Variants in KLHL29 observed in about 807,000 individuals in gnomAD.
The protein encoded by KLHL29 is kelch like family member 29.
Under a neutral mutation model 80.4 loss-of-function variants are expected in KLHL29, and 21 were observed. That is an observed-to-expected ratio of 0.26 (90% CI 0.19 to 0.38). The LOEUF (loss-of-function observed/expected upper bound fraction) is 0.38, where lower values mean the gene tolerates loss of function less well. Among genes scored for constraint, KLHL29 ranks in the 10% least tolerant of loss-of-function variants. KLHL29 has a pLI of 1.00. For missense variants in KLHL29, 867 were observed against 1,223.9 expected, an observed-to-expected ratio of 0.71 and a Z score of 4.35; for synonymous variants, 511 against 526.8, an observed-to-expected ratio of 0.97 and a Z score of 0.41.
At chr2:23,429,148 A>C (rs139991373) in intron 1 of KLHL29, among the ~76,000 whole-genome samples, 111 of 152,348 alleles carry the variant, frequency 7.3e-4, no homozygotes, top group African/African-American at 1.9e-3. Context: ...ATATGTTCAC[A>C]TACACCCAGG....
chr2:23,548,011 C>G (rs1667022053), intron 2 of KLHL29, among the ~76,000 whole-genome samples: 1 of 152,132 alleles, frequency 6.6e-6, no homozygotes. Flanking sequence ...TTCTCACTCA[C>G]ACACCCTGTC....
intron 1 of KLHL29, among the ~76,000 whole-genome samples, chr2:23,423,704 C>T (rs541404446): frequency 7.0e-4 from 107 of 152,232 alleles, no homozygotes; most frequent in South Asian, 1.2e-3. Flanking sequence ...TCAGGGGGTG[C>T]GGTGTGGGAT....
chr2:23,603,378 G>A (rs1189101888), intron 3 of KLHL29, among the ~76,000 whole-genome samples: 2 of 152,260 alleles, frequency 1.3e-5, no homozygotes, highest in East Asian at 3.9e-4. Flanking sequence ...GGCAGTCAGG[G>A]CTCTGACAGC....
chr2:23,613,779 A>AAAAAAAC, intron 3 of KLHL29, among the ~76,000 whole-genome samples: 2 of 149,910 alleles, frequency 1.3e-5, no homozygotes, highest in Non-Finnish European at 3.0e-5. Flanking sequence ...AAAAAAAAAA[A>AAAAAAAC]AAAAAAAAAA....
intron 1 of KLHL29, among the ~76,000 whole-genome samples, chr2:23,436,321 T>TGC (rs914676466): frequency 6.7e-6 from 1 of 150,002 alleles, no homozygotes; most frequent in African/African-American, 2.5e-5. Context: ...TGTGTGTGTG[T>TGC]GTGTGTGTGT....
At chr2:23,410,891 T>C (rs546406066) in intron 1 of KLHL29, among the ~76,000 whole-genome samples, 2 of 152,070 alleles carry the variant, frequency 1.3e-5, no homozygotes, top group African/African-American at 4.8e-5. Flanking sequence ...TCAGAGTGAG[T>C]CTCTTGAGTA....
At chr2:23,416,492 G>A (rs1666985859) in intron 1 of KLHL29, among the ~76,000 whole-genome samples, 1 of 152,224 alleles carries the variant, frequency 6.6e-6, no homozygotes, top group Non-Finnish European at 1.5e-5. Context: ...CTCAAGTCCA[G>A]GGTCTCTTCA....
chr2:23,603,630 A>G (rs1425278975), intron 3 of KLHL29, among the ~76,000 whole-genome samples: 3 of 152,196 alleles, frequency 2.0e-5, no homozygotes, highest in Admixed American at 1.3e-4. Flanking sequence ...TGGCCGGGAA[A>G]GCATACCCTT....
intron 1 of KLHL29, among the ~76,000 whole-genome samples, chr2:23,438,752 G>A (rs1432893567): frequency 6.6e-6 from 1 of 151,972 alleles, no homozygotes; most frequent in African/African-American, 2.4e-5. Context: ...TGTTCATCAA[G>A]GATATTGGTC....
rs1662810409 is a variant in KLHL29 at position 23,421,663 on chromosome 2, G to GTGTGTGTGTTATATGT, written c.-154+35893_-154+35908dup. Reference sequence around the variant, plus strand: ...TGTGTGTCTTGGTGTGTGAACCTGTGTGTGTGTGTTATATGTTGTGTGTGT... The same window carrying GTGTGTGTGTTATATGT: ...TGTGTGTCTTGGTGTGTGAACCTGTGTGTGTGTGTTATATGTTGTGTGTGTTATATGTTGTGTGTGT... On this transcript the variant is annotated intron_variant, in intron 1 of 13. Coordinates refer to ENST00000486442, the MANE Select transcript of KLHL29 (RefSeq NM_052920.2). Among the ~76,000 whole-genome samples, 24 of 151,230 alleles carry GTGTGTGTGTTATATGT rather than the reference G, an allele frequency of 1.6e-4. No individual in the cohort carries two copies. In the South Asian group the frequency reaches 4.8e-3, roughly 30 times the overall value.
At chr2:23,487,674 A>G (rs1045418114) in intron 2 of KLHL29, among the ~76,000 whole-genome samples, 2 of 152,114 alleles carry the variant, frequency 1.3e-5, no homozygotes, top group Admixed American at 1.3e-4. Context: ...CCCCTGCTAA[A>G]AGGCTGCATT....
chr2:23,666,091 A>G (rs1670544810), intron 5 of KLHL29, among the ~76,000 whole-genome samples: 1 of 152,192 alleles, frequency 6.6e-6, no homozygotes, highest in African/African-American at 2.4e-5. Context: ...GTTGTGGAGG[A>G]AAAACTCATT....
chr2:23,670,939 T>A (rs1022398895), intron 5 of KLHL29, among the ~76,000 whole-genome samples: 1 of 13,460 alleles, frequency 7.4e-5, no homozygotes, highest in Non-Finnish European at 1.9e-4. Context: ...TCTCTCTCTC[T>A]CTCTCTCTCT....
chr2:23,568,563 G>A (rs959261217), intron 3 of KLHL29, among the ~76,000 whole-genome samples: 1 of 152,184 alleles, frequency 6.6e-6, no homozygotes, highest in South Asian at 2.1e-4. Context: ...GGTACCAAGA[G>A]CAGCAAGAGA....
chr2:23,561,444 G>A (rs1667444565), intron 2 of KLHL29, among the ~76,000 whole-genome samples: 1 of 152,116 alleles, frequency 6.6e-6, no homozygotes, highest in Non-Finnish European at 1.5e-5. Context: ...GGTACTCCGG[G>A]TCTCTGATGC....
At chr2:23,577,299 G>A (rs2005337) in intron 3 of KLHL29, among the ~76,000 whole-genome samples, 121,263 of 151,930 alleles carry the variant, frequency 0.8, 48,678 homozygotes, top group East Asian at 1. Context: ...AAAAATACAC[G>A]AAATAGCCGG....
At chr2:23,703,917 G>A (rs1007792524) in intron 13 of KLHL29, 54 bp downstream of exon 13, 10 of 1,495,638 alleles carry the variant, frequency 6.7e-6, no homozygotes, top group Middle Eastern at 3.4e-4. Flanking sequence ...GGGAGGAGGA[G>A]GGGTGTGACC....
chr2:23,673,623 CACACACACACAT>C (rs1346460786), intron 5 of KLHL29, among the ~76,000 whole-genome samples: 39 of 151,546 alleles, frequency 2.6e-4, no homozygotes, highest in Middle Eastern at 3.4e-3. Context: ...CACCTCCTCT[CACACACACACAT>C]ACACACACAC....
At chr2:23,579,607 C>A (rs1667930665) in intron 3 of KLHL29, among the ~76,000 whole-genome samples, 1 of 152,166 alleles carries the variant, frequency 6.6e-6, no homozygotes, top group African/African-American at 2.4e-5. Flanking sequence ...CTTCCACTGC[C>A]ATAGTCCAGG....
Sources: allele counts gnomAD v4.1 joint callset (sites outside exome capture counted in the v4.1 genomes callset), GRCh38; gene constraint gnomAD v4.1.1; transcripts MANE v1.5; gene names NCBI Gene and HGNC (gene_info 2026-07-23, HGNC 2026-07-21).